Variants in PTER observed in about 807,000 individuals in gnomAD.
PTER encodes phosphotriesterase related.
PTER carries 38 observed loss-of-function variants against 29.6 expected under a neutral mutation model. That is an observed-to-expected ratio of 1.28 (90% confidence interval 0.99 to 1.68). The LOEUF is 1.68. PTER is among the 40% of genes most tolerant of loss of function. The pLI is 0.00. For missense variants in PTER, 482 were observed against 427.8 expected (o/e 1.13, Z -1.12); for synonymous variants, 172 against 154.5 (o/e 1.11, Z -0.84).
downstream of PTER, among the ~76,000 whole-genome samples, chr10:16,518,370 C>T (rs114468324): frequency 6.6e-6 from 1 of 152,102 alleles, no homozygotes; most frequent in Non-Finnish European, 1.5e-5. Context: ...CTGTTGCATA[C>T]CTTTTGCAGA....
At chr10:16,461,041 C>T (rs952347248) in intron 1 of PTER, among the ~76,000 whole-genome samples, 29 of 152,172 alleles carry the variant, frequency 1.9e-4, no homozygotes, top group African/African-American at 5.8e-4. Context: ...TTTGATATAT[C>T]GGCAATATTG....
downstream of PTER, chr10:16,514,638 GA>G (rs1489423254): frequency 6.2e-7 from 1 of 1,613,918 alleles, no homozygotes; most frequent in African/African-American, 1.3e-5. Flanking sequence ...GGCTCCAAAT[GA>G]AGAACCACAC....
chr10:16,501,907 A>C (rs531359835), intron 3 of PTER, among the ~76,000 whole-genome samples: 14 of 152,380 alleles, frequency 9.2e-5, no homozygotes, highest in African/African-American at 3.4e-4. Flanking sequence ...GAGATAATAC[A>C]TATAATGCAC....
chr10:16,465,609 A>G (rs933808247), intron 1 of PTER, among the ~76,000 whole-genome samples: 6 of 152,194 alleles, frequency 3.9e-5, no homozygotes, highest in East Asian at 3.8e-4. Context: ...TTCCATCAGT[A>G]TGGAACTGAA....
intron 1 of PTER, among the ~76,000 whole-genome samples, chr10:16,444,004 CTTTT>C (rs199711479): frequency 7.3e-6 from 1 of 136,852 alleles, no homozygotes. Flanking sequence ...AAAACTTTTT[CTTTT>C]TTTTTTTTTT....
intron 1 of PTER, among the ~76,000 whole-genome samples, chr10:16,460,834 A>G (rs143468641): frequency 0.055 from 8,419 of 152,144 alleles, 303 homozygotes; most frequent in South Asian, 0.087. Flanking sequence ...CTCCTGCCTC[A>G]GCCTCCCAAT....
intron 1 of PTER, among the ~76,000 whole-genome samples, chr10:16,460,425 TGAA>T (rs1162584705): frequency 1.3e-5 from 2 of 152,220 alleles, no homozygotes; most frequent in East Asian, 3.8e-4. Context: ...CATCTAAAAA[TGAA>T]GTCATCAAAT....
At chr10:16,485,266 G>A (rs77592456) in intron 2 of PTER, among the ~76,000 whole-genome samples, 99 of 152,206 alleles carry the variant, frequency 6.5e-4, no homozygotes, top group African/African-American at 2.2e-3. Context: ...TCAAAGACTT[G>A]GCACATTTGT....
chr10:16,486,776 A>G, intron 3 of PTER, 159 bp downstream of exon 3: 1 of 806,508 alleles, frequency 1.2e-6, no homozygotes, highest in Non-Finnish European at 1.9e-6. Context: ...ACTGACATGA[A>G]TAAAAGTCAA....
At chr10:16,474,714 C>T (rs1048616779) in intron 1 of PTER, among the ~76,000 whole-genome samples, 14 of 151,996 alleles carry the variant, frequency 9.2e-5, no homozygotes, top group African/African-American at 3.4e-4. Context: ...GGTGAAACTC[C>T]GTCTCCGCTA....
At chr10:16,483,216 A>G (rs1487378911) in intron 1 of PTER, among the ~76,000 whole-genome samples, 6 of 152,206 alleles carry the variant, frequency 3.9e-5, no homozygotes, top group African/African-American at 1.4e-4. Context: ...AAGCAAATCG[A>G]GGATAGAGAG....
intron 1 of PTER, among the ~76,000 whole-genome samples, chr10:16,478,865 A>G (rs185913029): frequency 1.3e-3 from 198 of 152,202 alleles, no homozygotes; most frequent in Non-Finnish European, 2.0e-3. Context: ...AATGGCTTCA[A>G]TGGATTTACT....
chr10:16,504,104 T>C (rs1403404493), intron 3 of PTER, among the ~76,000 whole-genome samples: 1 of 152,202 alleles, frequency 6.6e-6, no homozygotes, highest in Non-Finnish European at 1.5e-5. Flanking sequence ...TCACTTTTTT[T>C]TTCCCATATT....
At chr10:16,485,027 AAAT>A (rs889195537) in intron 2 of PTER, among the ~76,000 whole-genome samples, 1 of 152,204 alleles carries the variant, frequency 6.6e-6, no homozygotes, top group African/African-American at 2.4e-5. Flanking sequence ...AGAAAAAAGA[AAAT>A]AATAATAATA....
At chr10:16,495,406 G>C (rs558318479) in intron 3 of PTER, among the ~76,000 whole-genome samples, 24 of 152,198 alleles carry the variant, frequency 1.6e-4, no homozygotes, top group African/African-American at 5.3e-4. Context: ...TCGACCTCAA[G>C]TGATCCACCC....
At chr10:16,448,527 C>A (rs1211503782) in intron 1 of PTER, among the ~76,000 whole-genome samples, 2 of 152,150 alleles carry the variant, frequency 1.3e-5, no homozygotes, top group Non-Finnish European at 2.9e-5. Context: ...AGGAATATCT[C>A]GACAGGCCCC....
chr10:16,442,991 T>C lies in PTER; in HGVS notation c.-49+5944T>C, dbSNP rs138157004. On this transcript the variant is annotated intron_variant, in intron 1 of 4. Coordinates refer to ENST00000535784, the MANE Select transcript of PTER (RefSeq NM_001261836.2). ...TGTCTCAAAAACAATAAAAATAAGA[T>C]GAAATAAAATGTAGAGCCCCCAGGT... Among the ~76,000 whole-genome samples the C allele has an allele frequency of 5.9e-5, 9 of 152,028 alleles. No individual in the cohort carries two copies. In the East Asian group the frequency reaches 1.5e-3, roughly 26 times the overall value.
In PTER at chr10:16,502,078, T is replaced by C. The variant is rs571499176; in HGVS notation, c.699-2942T>C. The stretch of plus-strand genomic sequence containing the variant: ...TTTTCACTAAGTATATGCCTCGATA[T>C]AGCACTGAAAATTTAGGAAAGTTAT... On this transcript the variant is annotated intron_variant, in intron 3 of 4. Coordinates refer to ENST00000535784, the MANE Select transcript of PTER (RefSeq NM_001261836.2). 1.1e-4 allele frequency among the ~76,000 whole-genome samples: 16 copies of C among 152,294 alleles called. No homozygotes were observed. The East Asian group carries it at 3.1e-3, about 29-fold the overall frequency.
downstream of PTER, chr10:16,514,817 G>A: frequency 4.0e-6 from 3 of 754,556 alleles, no homozygotes; most frequent in Admixed American, 2.8e-5. Flanking sequence ...ACAGAATTTA[G>A]CATAGCAAAG....
Sources: gnomAD v4.1 joint callset for allele counts (sites outside exome capture counted in the v4.1 genomes callset) on GRCh38, gnomAD v4.1.1 for gene constraint, MANE v1.5 for transcripts, NCBI Gene and HGNC (gene_info 2026-07-23, HGNC 2026-07-21) for gene names.